MORC3: variants seen among roughly 807,000 people sequenced by gnomAD.
MORC3 encodes MORC family CW-type zinc finger protein 3.
Under a neutral mutation model 109.1 loss-of-function variants are expected in MORC3, and 31 were observed. The ratio of observed to expected loss-of-function variants is 0.28; its 90% CI spans 0.21 to 0.38. The LOEUF is 0.38. Among genes scored for constraint, MORC3 ranks in the 10% least tolerant of loss-of-function variants. The pLI is 1.00. For missense variants in MORC3, 867 were observed against 1,135.8 expected (o/e 0.76, Z 3.40); for synonymous variants, 395 against 380.7 (o/e 1.04, Z -0.44).
intron 2 of MORC3, among the ~76,000 whole-genome samples, 167 bp from the exon 3 acceptor site, chr21:36,336,707 A>G (rs1229320360): frequency 6.6e-6 from 1 of 152,156 alleles, no homozygotes; most frequent in Non-Finnish European, 1.5e-5. Context: ...CATGTTTTTA[A>G]ATCTTATTTT....
chr21:36,342,161 G>A (rs1297611355), intron 6 of MORC3, among the ~76,000 whole-genome samples: 6 of 152,196 alleles, frequency 3.9e-5, no homozygotes, highest in Middle Eastern at 6.8e-3. Context: ...CTGCAGGTGG[G>A]GCAGTGCGGT....
intron 15 of MORC3, among the ~76,000 whole-genome samples, chr21:36,371,280 C>T (rs1038975494): frequency 6.6e-6 from 1 of 152,148 alleles, no homozygotes; most frequent in African/African-American, 2.4e-5. Flanking sequence ...CATGCAAACA[C>T]TAATCTTGAT....
intron 1 of MORC3, among the ~76,000 whole-genome samples, chr21:36,330,215 TA>T (rs1235071846): frequency 6.6e-6 from 1 of 151,858 alleles, no homozygotes; most frequent in Non-Finnish European, 1.5e-5. Flanking sequence ...ATCCAGGAGA[TA>T]ATCAATTAAG....
chr21:36,320,248 T>C lies in MORC3; in HGVS notation c.-17T>C. On this transcript the variant is annotated 5_prime_UTR_variant, in exon 1 of 17. Transcript: ENST00000400485. ...GGTTGCGGCGGAGGCCGTTCCTGGC[T>C]TTGTAGCTCGCTCAAGATGGCGGCG... 1.3e-6 allele frequency: 2 copies of C among 1,576,546 alleles called. No individual in the cohort carries two copies. The highest frequency in any genetic ancestry group is 8.6e-7 in the Non-Finnish European group (1 of 1,162,662).
intron 14 of MORC3, among the ~76,000 whole-genome samples, chr21:36,367,806 A>G (rs994929472): frequency 6.6e-6 from 1 of 152,246 alleles, no homozygotes; most frequent in African/African-American, 2.4e-5. Flanking sequence ...GAGGAATTAG[A>G]ATGGCAGAAA....
intron 1 of MORC3, among the ~76,000 whole-genome samples, chr21:36,331,967 C>G (rs1344421482): frequency 1.3e-5 from 2 of 151,718 alleles, no homozygotes; most frequent in Non-Finnish European, 2.9e-5. Flanking sequence ...CAGTGAGACT[C>G]CTGTCTCTAC....
intron 14 of MORC3, among the ~76,000 whole-genome samples, chr21:36,364,764 G>A (rs541003944): frequency 3.3e-5 from 5 of 151,952 alleles, no homozygotes; most frequent in Admixed American, 1.3e-4. Context: ...AAAAAAATGT[G>A]AAGCAGCCCG....
rs190505989 is a variant in MORC3, at chr21:36,363,477, A to G, written c.1453-616A>G. On this transcript the variant is annotated intron_variant, in intron 13 of 16. Coordinates refer to ENST00000400485, the MANE Select transcript of MORC3 (RefSeq NM_015358.3). The stretch of plus-strand genomic sequence containing the variant: ...TGCATTTAATACACTTAACCTATTG[A>G]ATATCATAGCTTCGCCTAGCCTACC... Among the ~76,000 whole-genome samples the G allele has an allele frequency of 3.0e-3, 463 of 152,312 alleles. 3 individuals carry two copies. The highest frequency in any genetic ancestry group is 0.027 in the Middle Eastern group (8 of 294).
intron 9 of MORC3, among the ~76,000 whole-genome samples, chr21:36,353,226 G>A (rs917199862): frequency 2.7e-5 from 4 of 150,598 alleles, no homozygotes; most frequent in Non-Finnish European, 4.4e-5. Context: ...GCTTGGTGGC[G>A]TGTGGCTGTA....
chr21:36,374,591 G>T (rs1052361912), intron 16 of MORC3, among the ~76,000 whole-genome samples: 2 of 152,088 alleles, frequency 1.3e-5, no homozygotes, highest in Admixed American at 6.6e-5. Context: ...AGGAGTTTGA[G>T]ACCAGCCTGG....
chr21:36,351,949 G>GAGCCTTGTTATGAGCT (rs1170736776), intron 9 of MORC3, among the ~76,000 whole-genome samples: 1 of 152,148 alleles, frequency 6.6e-6, no homozygotes, highest in Non-Finnish European at 1.5e-5. Flanking sequence ...AGCCTTGTTA[G>GAGCCTTGTTATGAGCT]TAAGCTCAAG....
Position 36,337,863 on chromosome 21 carries a change from G to GC in MORC3, c.378dup (p.Val127ArgfsTer32). ...TTTACCAAAAATGGAGAAAGCATGA[G>GC]CGTGGGCCTTTTGTCTCAGACCTAC... On this transcript the variant is annotated frameshift_variant, in exon 4 of 17. Coordinates refer to ENST00000400485, the MANE Select transcript of MORC3 (RefSeq NM_015358.3). LOFTEE classifies it high-confidence loss of function. 6.2e-7 allele frequency: 1 copy of GC among 1,614,206 alleles called. No individual in the cohort carries two copies. Among genetic ancestry groups the GC allele is most frequent in the Non-Finnish European group, 8.5e-7 (1 of 1,180,042 alleles).
chr21:36,333,112 C>A (rs574531324), intron 1 of MORC3, among the ~76,000 whole-genome samples: 1 of 152,204 alleles, frequency 6.6e-6, no homozygotes, highest in Admixed American at 6.5e-5. Context: ...TATTTGAATT[C>A]TTTGAAGAGT....
At chr21:36,350,283 G>C (rs1312874030) in intron 9 of MORC3, among the ~76,000 whole-genome samples, 1 of 152,024 alleles carries the variant, frequency 6.6e-6, no homozygotes, top group Non-Finnish European at 1.5e-5. Context: ...ACTCCAACCC[G>C]ATGACAGAGT....
At chr21:36,362,529 C>A (rs185995477) in intron 13 of MORC3, among the ~76,000 whole-genome samples, 1 of 151,858 alleles carries the variant, frequency 6.6e-6, no homozygotes, top group Non-Finnish European at 1.5e-5. Context: ...GGCCACAGAG[C>A]GAGACTTCCA....
chr21:36,333,801 T>A (rs1477375159), intron 2 of MORC3, 83 bp downstream of exon 2: 24 of 1,140,198 alleles, frequency 2.1e-5, no homozygotes, highest in South Asian at 2.7e-5. Flanking sequence ...TTTTTTTTTT[T>A]AAACAGAGTC....
Position 36,360,094 on chromosome 21 carries a change from A to G in MORC3, c.1331+17A>G. On this transcript the variant is annotated intron_variant, in intron 11 of 16. Transcript: ENST00000400485. The stretch of plus-strand genomic sequence containing the variant: ...ACAGTTCAGGTACCATAGAGTTGGT[A>G]GTACCCTTTTTGGAAAGACGGAAAG... 4.3e-6 allele frequency: 7 copies of G among 1,614,196 alleles called. No homozygotes were observed. Among genetic ancestry groups the G allele is most frequent in the Non-Finnish European group, 5.9e-6 (7 of 1,180,030 alleles).
Position 36,357,684 on chromosome 21 carries a change from CCT to C in MORC3, c.1208+963_1208+964del, listed in dbSNP as rs556406303. Among the ~76,000 whole-genome samples the C allele has an allele frequency of 1.0e-3, 153 of 150,824 alleles. 2 individuals carry two copies. The South Asian group carries it at 0.022, about 22-fold the overall frequency. On this transcript the variant is annotated intron_variant, in intron 10 of 16. Coordinates refer to ENST00000400485, the MANE Select transcript of MORC3 (RefSeq NM_015358.3). ...AAAGTATAAAGTTATGCTTTATAAACCTCTAGATTGTTTTGAAGTTTCGGATT... is the reference window on the plus strand; with the variant it reads ...AAAGTATAAAGTTATGCTTTATAAACCTAGATTGTTTTGAAGTTTCGGATT...
intron 10 of MORC3, among the ~76,000 whole-genome samples, chr21:36,357,570 G>A (rs2085658761): frequency 6.6e-6 from 1 of 151,304 alleles, no homozygotes; most frequent in Non-Finnish European, 1.5e-5. Flanking sequence ...TAATGTGTCA[G>A]TATACACATG....
Sources: gnomAD v4.1 joint callset for allele counts (sites outside exome capture counted in the v4.1 genomes callset) on GRCh38, gnomAD v4.1.1 for gene constraint, MANE v1.5 for transcripts, NCBI Gene and HGNC (gene_info 2026-07-23, HGNC 2026-07-21) for gene names.